CPXM2: variants seen among roughly 807,000 people sequenced by gnomAD.
CPXM2 encodes carboxypeptidase X, M14 family member 2, also known as inactive carboxypeptidase-like protein X2.
In CPXM2, 66 loss-of-function variants were observed where a neutral mutation model predicts 86.1. The observed-to-expected ratio is 0.77, with a 90% confidence interval of 0.63 to 0.94. The LOEUF (loss-of-function observed/expected upper bound fraction) is 0.94. CPXM2 is among the 40% of genes least tolerant of loss of function. The probability of loss-of-function intolerance (pLI) is 0.00; values close to 1 mark genes in which losing one functional copy is unlikely to be tolerated. For missense variants in CPXM2, 948 were observed against 1,026.3 expected, an observed-to-expected ratio of 0.92 and a Z score of 1.04; for synonymous variants, 388 against 400.2, an observed-to-expected ratio of 0.97 and a Z score of 0.36.
intron 2 of CPXM2, 77 bp from the exon 3 acceptor site, chr10:123,862,800 G>T: frequency 1.5e-6 from 2 of 1,313,868 alleles, no homozygotes; most frequent in Non-Finnish European, 1.1e-6. Context: ...AAATCTGGCC[G>T]CGTGCTTTTC....
At chr10:123,840,053 T>C (rs1486891345) in intron 4 of CPXM2, among the ~76,000 whole-genome samples, 1 of 152,218 alleles carries the variant, frequency 6.6e-6, no homozygotes, top group African/African-American at 2.4e-5. Flanking sequence ...ATACCTACCT[T>C]TCACTTATTT....
At chr10:123,928,552 C>T (rs535218312) in intron 2 of CPXM2, among the ~76,000 whole-genome samples, 2 of 152,334 alleles carry the variant, frequency 1.3e-5, no homozygotes, top group Non-Finnish European at 2.9e-5. Flanking sequence ...ACATCCCTAT[C>T]TCTATGTGAC....
intron 13 of CPXM2, chr10:123,751,884 G>A: frequency 1.0e-6 from 1 of 985,174 alleles, no homozygotes; most frequent in Non-Finnish European, 1.2e-6. Context: ...AAGGGAGGGA[G>A]ATGCATTTCC....
At chr10:123,851,007 C>T (rs887720280) in intron 3 of CPXM2, among the ~76,000 whole-genome samples, 6 of 152,216 alleles carry the variant, frequency 3.9e-5, no homozygotes, top group African/African-American at 1.4e-4. Context: ...TTTGTCCACA[C>T]TTGATATTAT....
chr10:123,806,987 T>C (rs963802826), intron 4 of CPXM2, among the ~76,000 whole-genome samples: 1 of 152,200 alleles, frequency 6.6e-6, no homozygotes, highest in Non-Finnish European at 1.5e-5. Context: ...ACCCATGTGA[T>C]AGCAGCGTGT....
intron 4 of CPXM2, among the ~76,000 whole-genome samples, chr10:123,811,525 A>G (rs530946456): frequency 1.3e-5 from 2 of 152,360 alleles, no homozygotes; most frequent in South Asian, 2.1e-4. Flanking sequence ...GTTCATAACC[A>G]TGGAGTATGG....
At position 123,761,841 on chromosome 10, in the gene CPXM2, G is replaced by A. The variant is rs369250317; in HGVS notation, c.1777+31C>T. The A allele has an allele frequency of 1.1e-4, 182 of 1,602,120 alleles. 2 individuals are homozygous for A. In the South Asian group the frequency reaches 1.6e-3, roughly 14 times the overall value. On this transcript the variant is annotated intron_variant, in intron 11 of 13. Coordinates refer to ENST00000241305, the MANE Select transcript of CPXM2 (RefSeq NM_198148.3). Reference sequence around the variant, plus strand: ...ACCCCTGCAGCGTCCTCCTGCGCCCGCAGCCCACTCTCCCCCAGAGGGAGG... The same window carrying A: ...ACCCCTGCAGCGTCCTCCTGCGCCCACAGCCCACTCTCCCCCAGAGGGAGG...
chr10:123,864,091 GT>G (rs1848923050), intron 2 of CPXM2, among the ~76,000 whole-genome samples: 1 of 152,140 alleles, frequency 6.6e-6, no homozygotes, highest in African/African-American at 2.4e-5. Context: ...CTAAGCTGGG[GT>G]TGCTGCCCTG....
At chr10:123,790,045 G>A (rs780856716) in intron 6 of CPXM2, among the ~76,000 whole-genome samples, 6 of 152,158 alleles carry the variant, frequency 3.9e-5, no homozygotes, top group Non-Finnish European at 7.3e-5. Context: ...GTGAACCCAG[G>A]AGGCGGAGCT....
rs563214732 is a variant in CPXM2 at position 123,793,947 on chromosome 10, G to T, written c.889+4029C>A. Among the ~76,000 whole-genome samples the T allele has an allele frequency of 2.0e-5, 3 of 152,336 alleles. No individual in the cohort carries two copies. In the East Asian group the frequency reaches 5.8e-4, roughly 29 times the overall value. On this transcript the variant is annotated intron_variant, in intron 6 of 13. Coordinates refer to ENST00000241305, the MANE Select transcript of CPXM2 (RefSeq NM_198148.3). ...CAATTTGTTCATCTCCATGATGGGT[G>T]GGGTGGCTGGCTGAAACATCACAGT...
At chr10:123,764,841 G>A (rs545166411) in intron 10 of CPXM2, among the ~76,000 whole-genome samples, 1 of 152,036 alleles carries the variant, frequency 6.6e-6, no homozygotes, top group Non-Finnish European at 1.5e-5. Flanking sequence ...TCTTAAGTTA[G>A]TTAACTCTCA....
chr10:123,796,283 AAAG>A (rs1389768163), intron 6 of CPXM2, among the ~76,000 whole-genome samples: 3 of 152,246 alleles, frequency 2.0e-5, no homozygotes, highest in African/African-American at 7.2e-5. Context: ...GACACACACA[AAAG>A]AAGGACAGAG....
intron 3 of CPXM2, among the ~76,000 whole-genome samples, chr10:123,859,369 G>C (rs1400824842): frequency 1.3e-5 from 2 of 152,242 alleles, no homozygotes; most frequent in Non-Finnish European, 2.9e-5. Context: ...TGTGGCACTG[G>C]CTCTGGAAGA....
Position 123,887,694 on chromosome 10 carries a change from C to A in CPXM2, c.304+3662G>T, listed in dbSNP as rs934389961. 2.6e-5 allele frequency among the ~76,000 whole-genome samples: 4 copies of A among 151,690 alleles called. No individual in the cohort carries two copies. The East Asian group carries it at 7.8e-4, about 29-fold the overall frequency. ...GGCAACCCCCTTCCTCCTCTGTTGGCACGTACACACAACACACACACACAC... is the reference window on the plus strand; with the variant it reads ...GGCAACCCCCTTCCTCCTCTGTTGGAACGTACACACAACACACACACACAC... On this transcript the variant is annotated intron_variant, in intron 1 of 13. Transcript: ENST00000241305.
intron 4 of CPXM2, among the ~76,000 whole-genome samples, chr10:123,834,181 C>T (rs1031761541): frequency 3.9e-5 from 6 of 152,150 alleles, no homozygotes; most frequent in African/African-American, 1.2e-4. Context: ...AGCAAAGGAG[C>T]GGAGCTGCAT....
At chr10:123,791,625 C>A (rs1847209098) in intron 6 of CPXM2, among the ~76,000 whole-genome samples, 1 of 152,150 alleles carries the variant, frequency 6.6e-6, no homozygotes, top group Non-Finnish European at 1.5e-5. Context: ...CTTAAGGACA[C>A]CAGTCATTGG....
rs1011014212 is a variant in CPXM2 at position 123,770,369 on chromosome 10, C to G, written c.1102+547G>C. Among the ~76,000 whole-genome samples the G allele has an allele frequency of 2.6e-5, 4 of 152,322 alleles. No individual in the cohort carries two copies. The South Asian group carries it at 8.3e-4, about 32-fold the overall frequency. ...GACCCTGATGAATGTTAAAGTAAAT[C>G]AGCCAAATCTTTGCACCTAAATATC... On this transcript the variant is annotated intron_variant, in intron 8 of 13. Transcript: ENST00000241305.
In CPXM2 at chr10:123,879,400, C is replaced by T. The variant is rs142363399; in HGVS notation, c.403+811G>A. Among the ~76,000 whole-genome samples the T allele has an allele frequency of 7.4e-4, 113 of 152,270 alleles. 1 individual carries two copies. The highest frequency in any genetic ancestry group is 1.2e-3 in the Non-Finnish European group (81 of 68,024). On this transcript the variant is annotated intron_variant, in intron 2 of 13. Coordinates refer to ENST00000241305, the MANE Select transcript of CPXM2 (RefSeq NM_198148.3). Reference sequence around the variant, plus strand: ...TTGGGTTCAAATCCCTGTTTTACCACGTAGAAGCTGCATAACCCTTGGTAA... The same window carrying T: ...TTGGGTTCAAATCCCTGTTTTACCATGTAGAAGCTGCATAACCCTTGGTAA...
intron 2 of CPXM2, among the ~76,000 whole-genome samples, chr10:123,933,692 TG>T (rs1564825856): frequency 6.6e-6 from 1 of 151,752 alleles, no homozygotes; most frequent in Non-Finnish European, 1.5e-5. Flanking sequence ...CACTCCAGCC[TG>T]GGCAACAGAG....
Sources: gnomAD v4.1 joint callset for allele counts (sites outside exome capture counted in the v4.1 genomes callset) on GRCh38, gnomAD v4.1.1 for gene constraint, MANE v1.5 for transcripts, NCBI Gene and HGNC (gene_info 2026-07-23, HGNC 2026-07-21) for gene names.